ARMH4: variants seen among roughly 807,000 people sequenced by gnomAD.
ARMH4 encodes armadillo-like helical domain-containing protein 4.
In ARMH4, 49 loss-of-function variants were observed where a neutral mutation model predicts 61.9. The observed-to-expected ratio is 0.79, with a 90% CI of 0.63 to 1.00. The LOEUF is 1.00. Among genes scored for constraint, ARMH4 ranks in the 50% least tolerant of loss-of-function variants. The pLI is 0.00. For missense variants in ARMH4, 934 were observed against 930.0 expected (o/e 1.00, Z -0.06); for synonymous variants, 368 against 341.5 (o/e 1.08, Z -0.85).
At chr14:58,064,302 T>C (rs754898435) in intron 5 of ARMH4, among the ~76,000 whole-genome samples, 7 of 152,222 alleles carry the variant, frequency 4.6e-5, no homozygotes, top group Non-Finnish European at 1.0e-4. Context: ...AAGCAGAAGA[T>C]AGTTGTCAGT....
At chr14:58,094,825 G>A (rs1246258224) in intron 5 of ARMH4, among the ~76,000 whole-genome samples, 1 of 152,234 alleles carries the variant, frequency 6.6e-6, no homozygotes, top group Non-Finnish European at 1.5e-5. Context: ...GGAATCACTG[G>A]TGGTGGGATG....
chr14:58,079,367 C>G (rs551242286), intron 5 of ARMH4, among the ~76,000 whole-genome samples: 1 of 152,292 alleles, frequency 6.6e-6, no homozygotes, highest in Admixed American at 6.5e-5. Flanking sequence ...AGAGCACATA[C>G]AATACTGAAA....
chr14:58,137,817 G>A (rs1336268534), intron 2 of ARMH4, among the ~76,000 whole-genome samples, 173 bp downstream of exon 2: 2 of 151,682 alleles, frequency 1.3e-5, no homozygotes, highest in South Asian at 2.1e-4. Context: ...GAACTCCTGC[G>A]CCCAAGCAAT....
intron 5 of ARMH4, among the ~76,000 whole-genome samples, chr14:58,058,118 G>A (rs117563105): frequency 0.013 from 1,991 of 152,274 alleles, 14 homozygotes; most frequent in Non-Finnish European, 0.018. Context: ...TTGGTTCCAG[G>A]ACAACCCTTG....
intron 5 of ARMH4, among the ~76,000 whole-genome samples, chr14:58,083,230 G>A (rs965305549): frequency 5.9e-5 from 9 of 152,160 alleles, no homozygotes; most frequent in Admixed American, 3.9e-4. Flanking sequence ...TCATTAGCAA[G>A]CTATTCTTTC....
intron 6 of ARMH4, 134 bp downstream of exon 6, chr14:58,011,985 A>T: frequency 1.6e-6 from 1 of 643,524 alleles, no homozygotes; most frequent in Non-Finnish European, 2.7e-6. Flanking sequence ...CAGGTACTGC[A>T]AGTTGCCCTG....
At chr14:58,053,307 T>G (rs1413028464) in intron 5 of ARMH4, among the ~76,000 whole-genome samples, 1 of 152,232 alleles carries the variant, frequency 6.6e-6, no homozygotes. Context: ...GGCACCCATG[T>G]GCTATTCCAC....
rs1033010954 is a variant in ARMH4, at chr14:58,001,077, T to C, written c.*3659A>G. 1 of 152,230 alleles carries C rather than the reference T, an allele frequency of 6.6e-6. No homozygotes were observed. Among genetic ancestry groups the C allele is most frequent in the African/African-American group, 2.4e-5 (1 of 41,472 alleles). 9.4% of individuals were successfully genotyped at this position (152,230 alleles called of 1,614,324 possible). ...GCCTCTGCCCTTATGAGTTTGATTA[T>C]TTTGGATACCTCAAAGAAGTGCAAT... On this transcript the variant is annotated 3_prime_UTR_variant, in exon 8 of 8. Coordinates refer to ENST00000267485, the MANE Select transcript of ARMH4 (RefSeq NM_001001872.4).
chr14:58,095,618 A>G (rs1885722588), intron 5 of ARMH4, among the ~76,000 whole-genome samples: 2 of 152,312 alleles, frequency 1.3e-5, no homozygotes, highest in South Asian at 4.1e-4. Context: ...AAGTAATTCA[A>G]GAAATCTTGT....
intron 5 of ARMH4, among the ~76,000 whole-genome samples, chr14:58,045,852 C>T (rs1594719191): frequency 6.6e-6 from 1 of 151,974 alleles, no homozygotes; most frequent in African/African-American, 2.4e-5. Context: ...CATGTGAAAA[C>T]ACAGAGACAC....
chr14:58,133,299 T>A lies in ARMH4; in HGVS notation c.1412A>T (p.Asp471Val). 1 of 1,614,012 alleles carries A rather than the reference T, an allele frequency of 6.2e-7. No homozygotes were observed. The highest frequency in any genetic ancestry group is 8.5e-7 in the Non-Finnish European group (1 of 1,180,006). The change falls in exon 3 of 8, where the codon GAT becomes GTT. Residue 471 changes from aspartate to valine, a missense_variant. Transcript: ENST00000267485. ...TTGTGTCACCATGGATAAAGTGGCA[T>A]CTGGCTCTTGAACAGCTGTTGTCAT... ...QEMTTAVQEP[D>V]ATLSMVTQEQ...
At chr14:58,075,166 AT>A (rs987295256) in intron 5 of ARMH4, among the ~76,000 whole-genome samples, 13 of 152,218 alleles carry the variant, frequency 8.5e-5, no homozygotes, top group Non-Finnish European at 1.3e-4. Context: ...GGGAGTGTAA[AT>A]TAGTTCAACC....
chr14:58,003,148 A>G lies in ARMH4; in HGVS notation c.*1588T>C, dbSNP rs1397056756. The G allele has an allele frequency of 1.4e-5, 2 of 144,128 alleles. No homozygotes were observed. Among genetic ancestry groups the G allele is most frequent in the Admixed American group, 7.1e-5 (1 of 14,000 alleles). The allele number at this position is 144,128 out of a possible 1,614,324, so 8.9% of individuals were successfully genotyped here. A position where few individuals can be genotyped will look rare whatever the true frequency, so the allele number is the denominator to read the frequency against. On this transcript the variant is annotated 3_prime_UTR_variant, in exon 8 of 8. Transcript: ENST00000267485. ...GGAAATTCACATCAAACGTTCCTTG[A>G]CCAGGCAGCTATTCCCTGCTATTCC...
intron 5 of ARMH4, among the ~76,000 whole-genome samples, chr14:58,087,611 G>C (rs548732860): frequency 2.6e-5 from 4 of 152,126 alleles, no homozygotes; most frequent in Non-Finnish European, 5.9e-5. Context: ...ACATCATCTG[G>C]GTTCATCTGG....
chr14:58,056,470 G>A (rs898371050), intron 5 of ARMH4, among the ~76,000 whole-genome samples: 1 of 152,206 alleles, frequency 6.6e-6, no homozygotes, highest in African/African-American at 2.4e-5. Context: ...AGTTGTATTA[G>A]TTATGTCCCA....
intron 6 of ARMH4, among the ~76,000 whole-genome samples, chr14:58,009,560 C>T (rs1328845457): frequency 2.6e-5 from 4 of 152,096 alleles, no homozygotes; most frequent in Non-Finnish European, 5.9e-5. Flanking sequence ...CCTGTAATCC[C>T]AGCACTTTGG....
chr14:58,043,772 T>C (rs1883817708), intron 5 of ARMH4, among the ~76,000 whole-genome samples: 1 of 152,122 alleles, frequency 6.6e-6, no homozygotes, highest in Non-Finnish European at 1.5e-5. Flanking sequence ...GGATACAAAA[T>C]CAATGTGCAA....
chr14:58,077,740 C>T (rs2141237555), intron 5 of ARMH4, among the ~76,000 whole-genome samples: 1 of 152,326 alleles, frequency 6.6e-6, no homozygotes, highest in South Asian at 2.1e-4. Flanking sequence ...TTCCCAAATT[C>T]ACAGAGCTAG....
Position 58,041,093 on chromosome 14 carries a change from T to C in ARMH4, c.2090-28943A>G, listed in dbSNP as rs535153472. On this transcript the variant is annotated intron_variant, in intron 5 of 7. Transcript: ENST00000267485. ...AACTGAGGTACTGGGTTCATCTCCA[T>C]GGGGAGTGTCGGAAAGTGGCTGCAG... Among the ~76,000 whole-genome samples, 13 of 152,204 alleles carry C rather than the reference T, an allele frequency of 8.5e-5. No individual in the cohort carries two copies. In the East Asian group the frequency reaches 2.3e-3, roughly 27 times the overall value.
Sources: gnomAD v4.1 joint callset for allele counts (sites outside exome capture counted in the v4.1 genomes callset) on GRCh38, gnomAD v4.1.1 for gene constraint, MANE v1.5 for transcripts, NCBI Gene and HGNC (gene_info 2026-07-23, HGNC 2026-07-21) for gene names.